CALN1: variants seen among roughly 807,000 people sequenced by gnomAD.
CALN1 encodes the protein calneuron 1.
Under a neutral mutation model 30.6 loss-of-function variants are expected in CALN1, and 17 were observed. That is an observed-to-expected ratio of 0.56 (90% CI 0.38 to 0.83). CALN1 has a LOEUF of 0.83. CALN1 is among the 40% of genes least tolerant of loss of function. The pLI is 0.00. For missense variants in CALN1, 291 were observed against 354.9 expected (o/e 0.82, Z 1.45); for synonymous variants, 156 against 131.4 (o/e 1.19, Z -1.28).
chr7:72,368,068 C>A (rs1451644017), intron 2 of CALN1, among the ~76,000 whole-genome samples: 1 of 151,910 alleles, frequency 6.6e-6, no homozygotes, highest in Non-Finnish European at 1.5e-5. Context: ...TTGCAGTGAG[C>A]CGAGACTGCG....
At chr7:71,935,379 T>C (rs999628584) in intron 5 of CALN1, among the ~76,000 whole-genome samples, 1 of 152,182 alleles carries the variant, frequency 6.6e-6, no homozygotes, top group South Asian at 2.1e-4. Flanking sequence ...GAGGTCTTTC[T>C]GCCAGGAATG....
In CALN1 at chr7:72,309,614, T is replaced by C. The variant is rs113735418; in HGVS notation, c.120-30804A>G. On this transcript the variant is annotated intron_variant, in intron 2 of 6. Transcript: ENST00000395275. ...TTGGCGGAGGGCATGGGAGGGAAGCTGATGAATCAGAAGTGGCAAGCAGGG... is the reference window on the plus strand; with the variant it reads ...TTGGCGGAGGGCATGGGAGGGAAGCCGATGAATCAGAAGTGGCAAGCAGGG... 1.2e-3 allele frequency among the ~76,000 whole-genome samples: 182 copies of C among 152,066 alleles called. 1 individual carries two copies. The highest frequency in any genetic ancestry group is 4.2e-3 in the African/African-American group (174 of 41,490).
chr7:71,830,048 T>TC (rs397954932), intron 5 of CALN1, among the ~76,000 whole-genome samples: 1 of 129,392 alleles, frequency 7.7e-6, no homozygotes, highest in African/African-American at 2.6e-5. Flanking sequence ...TTTTTTTTTT[T>TC]GTTCTTTTTT....
At chr7:72,393,967 C>A (rs1209075639) in intron 2 of CALN1, among the ~76,000 whole-genome samples, 8 of 152,120 alleles carry the variant, frequency 5.3e-5, no homozygotes, top group Non-Finnish European at 1.0e-4. Context: ...CAAGTTGTGG[C>A]ATGTTTTATT....
At chr7:72,418,621 C>CG (rs1023686097) in intron 1 of CALN1, among the ~76,000 whole-genome samples, 1 of 151,438 alleles carries the variant, frequency 6.6e-6, no homozygotes, top group Non-Finnish European at 1.5e-5. Context: ...AGCTTCCCCG[C>CG]CCCGGCTCAC....
At chr7:72,115,079 T>C in intron 3 of CALN1, among the ~76,000 whole-genome samples, 1 of 148,134 alleles carries the variant, frequency 6.8e-6, no homozygotes, top group South Asian at 2.1e-4. Flanking sequence ...CATTACATTA[T>C]ATATGGACAT....
At chr7:72,069,764 A>G (rs1804264231) in intron 4 of CALN1, among the ~76,000 whole-genome samples, 1 of 152,098 alleles carries the variant, frequency 6.6e-6, no homozygotes. Context: ...TTGGGAGGCC[A>G]TTTTTCAGCC....
intron 5 of CALN1, among the ~76,000 whole-genome samples, chr7:72,016,123 T>C: frequency 6.6e-6 from 1 of 151,290 alleles, no homozygotes; most frequent in South Asian, 2.1e-4. Flanking sequence ...GTGGTGGGCG[T>C]CTGTAATCCC....
At chr7:72,029,804 G>C (rs554547279) in intron 4 of CALN1, among the ~76,000 whole-genome samples, 9 of 152,194 alleles carry the variant, frequency 5.9e-5, no homozygotes, top group Non-Finnish European at 1.3e-4. Flanking sequence ...CTTTCCCTGA[G>C]TTGTATTCTT....
intron 2 of CALN1, chr7:72,337,364 G>C (rs905438253): frequency 2.2e-6 from 2 of 918,172 alleles, no homozygotes; most frequent in Admixed American, 6.2e-5. Context: ...TGGCTCCCTC[G>C]GTTTCCAAGC....
chr7:72,245,753 G>T (rs965251268), intron 3 of CALN1, among the ~76,000 whole-genome samples: 40 of 152,158 alleles, frequency 2.6e-4, no homozygotes, highest in African/African-American at 9.7e-4. Flanking sequence ...CCAGGTATCT[G>T]CGACTCCAAA....
intron 5 of CALN1, among the ~76,000 whole-genome samples, chr7:71,877,866 T>C (rs1267493895): frequency 6.6e-6 from 1 of 152,198 alleles, no homozygotes; most frequent in Non-Finnish European, 1.5e-5. Context: ...GGGGCATTGA[T>C]TTTATGACAG....
chr7:72,256,177 G>A (rs1795900042), intron 3 of CALN1, among the ~76,000 whole-genome samples: 1 of 152,194 alleles, frequency 6.6e-6, no homozygotes, highest in African/African-American at 2.4e-5. Flanking sequence ...ATTCTTGCCT[G>A]GCCTGACACA....
At chr7:71,972,484 C>T (rs999422991) in intron 5 of CALN1, among the ~76,000 whole-genome samples, 5 of 152,092 alleles carry the variant, frequency 3.3e-5, no homozygotes, top group Non-Finnish European at 5.9e-5. Flanking sequence ...GCTAAGAGAG[C>T]GTGCAATACT....
At chr7:72,338,255 T>C (rs1392744293) in intron 2 of CALN1, among the ~76,000 whole-genome samples, 4 of 152,072 alleles carry the variant, frequency 2.6e-5, no homozygotes, top group African/African-American at 9.7e-5. Flanking sequence ...GTCCCCAGTT[T>C]CTTGTCCCCT....
intron 2 of CALN1, among the ~76,000 whole-genome samples, chr7:72,384,963 A>T (rs546679739): frequency 2.3e-4 from 35 of 152,328 alleles, no homozygotes; most frequent in African/African-American, 8.2e-4. Flanking sequence ...AAATGAAAAA[A>T]ACAAAGAATC....
intron 5 of CALN1, among the ~76,000 whole-genome samples, chr7:72,005,323 G>A (rs1799713134): frequency 6.6e-6 from 1 of 152,132 alleles, no homozygotes; most frequent in African/African-American, 2.4e-5. Flanking sequence ...GCAGTAAAAA[G>A]AAGCAAACTG....
chr7:72,258,635 A>G (rs894226714), intron 3 of CALN1, among the ~76,000 whole-genome samples: 4 of 152,212 alleles, frequency 2.6e-5, no homozygotes, highest in African/African-American at 7.2e-5. Context: ...AAAGATATGA[A>G]GAAGCCAGGG....
the CALN1 span, among the ~76,000 whole-genome samples, chr7:72,499,794 C>T: frequency 2.1e-5 from 1 of 48,758 alleles, no homozygotes; most frequent in Non-Finnish European, 3.6e-5. Flanking sequence ...TCCTTCCTTC[C>T]TTCCTTCCTT....
Sources: gnomAD v4.1 joint callset for allele counts (sites outside exome capture counted in the v4.1 genomes callset) on GRCh38, gnomAD v4.1.1 for gene constraint, MANE v1.5 for transcripts, NCBI Gene and HGNC (gene_info 2026-07-23, HGNC 2026-07-21) for gene names.